The following ANO1 variants were observed in gnomAD, a reference collection of about 807,000 sequenced individuals.
ANO1 encodes anoctamin-1.
Under a neutral mutation model 124.0 loss-of-function variants are expected in ANO1, and 59 were observed. That is an observed-to-expected ratio of 0.48 (90% CI 0.39 to 0.59). ANO1 has a LOEUF of 0.59. ANO1 is among the 20% of genes least tolerant of loss of function. The pLI, the probability that ANO1 is intolerant of heterozygous loss-of-function variation, is 0.00. For missense variants in ANO1, 1,059 were observed against 1,328.0 expected (o/e 0.80, Z 3.15); for synonymous variants, 529 against 532.0 (o/e 0.99, Z 0.08).
chr11:70,125,570 C>T (rs535671358), intron 9 of ANO1, among the ~76,000 whole-genome samples: 7 of 150,684 alleles, frequency 4.6e-5, no homozygotes, highest in East Asian at 2.0e-4. Context: ...AGAGGCTGGG[C>T]ACGGTGGCTC....
chr11:70,111,731 G>T lies in ANO1; in HGVS notation c.824G>T (p.Gly275Val). Residue 275 changes from glycine to valine, a missense_variant, in exon 7 of 26, where the codon GGT becomes GTT. By Grantham distance (109) the Gly-to-Val change is moderately radical. Transcript: ENST00000355303. ...SMGITSLLAN[G>V]VYAAAYPLHD... is the part of the protein sequence containing the mutation. ...GGCATCACGAGCCTGCTGGCCAATG[G>T]TGTGTACGCGGCTGCATACCCACTG... 1 of 1,614,014 alleles carries T rather than the reference G, an allele frequency of 6.2e-7. No homozygotes were observed. Among genetic ancestry groups the T allele is most frequent in the Non-Finnish European group, 8.5e-7 (1 of 1,179,898 alleles).
rs752257777 is a variant in ANO1, at chr11:70,088,016, C to T, written c.373C>T (p.Arg125Cys). 5 of 1,536,730 alleles carry T rather than the reference C, an allele frequency of 3.3e-6. No individual in the cohort carries two copies. The highest frequency in any genetic ancestry group is 2.0e-5 in the Admixed American group (1 of 50,134). The part of the protein sequence containing the change: ...PPMDYHEDDK[R>C]FRREEYEGNL... Reference sequence around the variant, plus strand: ...GATGGACTACCACGAGGATGACAAGCGCTTCCGCAGGGAGGAGTACGAGGG... The same window carrying T: ...GATGGACTACCACGAGGATGACAAGTGCTTCCGCAGGGAGGAGTACGAGGG... The change falls in exon 2 of 26, where the codon CGC (arginine) becomes TGC (cysteine). Residue 125 changes from arginine to cysteine, a missense_variant. Transcript: ENST00000355303.
chr11:70,103,658 G>C (rs2045368577), intron 3 of ANO1, among the ~76,000 whole-genome samples: 1 of 152,182 alleles, frequency 6.6e-6, no homozygotes, highest in African/African-American at 2.4e-5. Flanking sequence ...TATTTACTCT[G>C]GCAGGCGGAC....
chr11:70,022,570 T>C (rs1481942579), intron 1 of ANO1, among the ~76,000 whole-genome samples: 2 of 151,224 alleles, frequency 1.3e-5, no homozygotes, highest in African/African-American at 2.4e-5. Context: ...CATGCCACTG[T>C]ACTCCAGCCT....
intron 1 of ANO1, among the ~76,000 whole-genome samples, chr11:70,037,993 C>T (rs1555004595): frequency 2.0e-5 from 3 of 152,152 alleles, no homozygotes; most frequent in South Asian, 2.1e-4. Context: ...AGGATTAAAA[C>T]GTGACTGTCG....
intron 1 of ANO1, among the ~76,000 whole-genome samples, chr11:70,034,016 G>C (rs1166380907): frequency 3.3e-5 from 5 of 151,950 alleles, no homozygotes; most frequent in African/African-American, 4.8e-5. Flanking sequence ...AGTTCCTTGA[G>C]GGCAAGCATC....
rs764383765 is a variant in ANO1, at chr11:70,087,909, C to G, written c.266C>G (p.Pro89Arg). 6 of 1,610,332 alleles carry G rather than the reference C, an allele frequency of 3.7e-6. No individual in the cohort carries two copies. The highest frequency in any genetic ancestry group is 5.1e-6 in the Non-Finnish European group (6 of 1,178,690). Residue 89 changes from proline to arginine, a missense_variant, in exon 2 of 26, where the codon CCC becomes CGC. By Grantham distance (103) the Pro-to-Arg change is moderately radical (BLOSUM62 -2). This residue lies in a region of ANO1 where 250 missense variants were observed against 233.1 expected (regional missense o/e 1.07). Coordinates refer to ENST00000355303, the MANE Select transcript of ANO1 (RefSeq NM_018043.7). ...AGGAGGGTGCAGCACAGCGACACCC[C>G]CTCTGGGGCTCGCAGCGTCAAGCAG... ...LVRRVQHSDT[P>R]SGARSVKQDH...
intron 15 of ANO1, among the ~76,000 whole-genome samples, 190 bp downstream of exon 15, chr11:70,156,178 G>A (rs937779710): frequency 1.3e-5 from 2 of 152,030 alleles, no homozygotes; most frequent in East Asian, 1.9e-4. Flanking sequence ...GTGGGTCTGC[G>A]GTGGCGGGGA....
At chr11:70,048,473 G>A (rs575820101) in intron 1 of ANO1, among the ~76,000 whole-genome samples, 1 of 152,040 alleles carries the variant, frequency 6.6e-6, no homozygotes, top group African/African-American at 2.4e-5. Context: ...TTAGGCAATG[G>A]GGGGGTGGTG....
intron 11 of ANO1, among the ~76,000 whole-genome samples, chr11:70,132,324 C>T (rs561717013): frequency 3.4e-4 from 52 of 152,222 alleles, no homozygotes; most frequent in African/African-American, 1.0e-3. Context: ...CTAGGAGGGA[C>T]GTTTTGCTCT....
chr11:69,981,929 C>T (rs781897035), upstream of ANO1, among the ~76,000 whole-genome samples: 9 of 152,126 alleles, frequency 5.9e-5, no homozygotes, highest in East Asian at 1.9e-4. Flanking sequence ...AAGCCAGACA[C>T]GAAAGACCAT....
intron 1 of ANO1, among the ~76,000 whole-genome samples, chr11:69,996,329 G>T (rs928659935): frequency 1.3e-5 from 2 of 152,146 alleles, no homozygotes; most frequent in Admixed American, 6.5e-5. Context: ...CAATAGGTGA[G>T]TAAGAAGAAA....
intron 1 of ANO1, among the ~76,000 whole-genome samples, chr11:70,039,010 C>T (rs1565166629): frequency 6.6e-6 from 1 of 152,006 alleles, no homozygotes; most frequent in Admixed American, 6.5e-5. Context: ...AGGATACAGG[C>T]AAGATATTTC....
intron 21 of ANO1, among the ~76,000 whole-genome samples, chr11:70,169,448 C>CCCCCCCCCCCCCCCCCCCCCCCCCT (rs2048373402): frequency 6.7e-6 from 1 of 150,094 alleles, no homozygotes; most frequent in African/African-American, 2.5e-5. Flanking sequence ...CCCACCTCCC[C>CCCCCCCCCCCCCCCCCCCCCCCCCT]GCCCCCCTGC....
intron 13 of ANO1, 89 bp downstream of exon 13, chr11:70,152,550 C>G: frequency 7.1e-7 from 1 of 1,405,814 alleles, no homozygotes; most frequent in Non-Finnish European, 1.0e-6. Flanking sequence ...CTTTCTACCA[C>G]GCAGTTCCCG....
At chr11:70,069,646 C>T (rs890030609) in intron 1 of ANO1, among the ~76,000 whole-genome samples, 3 of 152,228 alleles carry the variant, frequency 2.0e-5, no homozygotes, top group African/African-American at 7.2e-5. Context: ...CAGATGTAAT[C>T]ATTCCTGCTT....
chr11:70,116,614 C>T (rs371730153), intron 8 of ANO1, 115 bp downstream of exon 8: 36 of 1,007,618 alleles, frequency 3.6e-5, no homozygotes, highest in South Asian at 3.3e-4. Context: ...CTCCCCAGGG[C>T]GCTCGCTGCA....
At chr11:70,006,462 T>G (rs1856484425) in intron 1 of ANO1, among the ~76,000 whole-genome samples, 1 of 151,936 alleles carries the variant, frequency 6.6e-6, no homozygotes, top group South Asian at 2.1e-4. Flanking sequence ...CTCCCCTACC[T>G]CTGCTCTCTG....
chr11:70,175,390 A>G (rs1028138956), intron 22 of ANO1, among the ~76,000 whole-genome samples: 1 of 152,170 alleles, frequency 6.6e-6, no homozygotes, highest in Non-Finnish European at 1.5e-5. Context: ...TCCTTCTGTG[A>G]TCCGTGCAGG....
Sources: allele counts gnomAD v4.1 joint callset (sites outside exome capture counted in the v4.1 genomes callset), GRCh38; gene constraint gnomAD v4.1.1; regional missense constraint gnomAD v4.1.1; transcripts MANE v1.5; gene names NCBI Gene and HGNC (gene_info 2026-07-23, HGNC 2026-07-21).